Variants in PARM1 observed in about 807,000 individuals in gnomAD.
PARM1 encodes the protein prostate androgen-regulated mucin-like protein 1.
In PARM1, 14 loss-of-function variants were observed where a neutral mutation model predicts 24.6. That is an observed-to-expected ratio of 0.57 (90% CI 0.38 to 0.89). The LOEUF is 0.89. PARM1 is among the 40% of genes least tolerant of loss of function. The probability of loss-of-function intolerance (pLI) is 0.00; values close to 1 mark genes in which losing one functional copy is unlikely to be tolerated. For synonymous variants in PARM1, 179 were observed against 156.6 expected, an observed-to-expected ratio of 1.14 and a Z score of -1.07; for missense variants, 362 against 380.4, an observed-to-expected ratio of 0.95 and a Z score of 0.40.
intron 1 of PARM1, among the ~76,000 whole-genome samples, chr4:74,940,666 G>A (rs1170775309): frequency 6.6e-6 from 1 of 152,196 alleles, no homozygotes; most frequent in Non-Finnish European, 1.5e-5. Flanking sequence ...CCCACAGATA[G>A]ACAGGAGATA....
chr4:74,953,025 C>G (rs1721557937), intron 1 of PARM1, among the ~76,000 whole-genome samples: 1 of 152,126 alleles, frequency 6.6e-6, no homozygotes, highest in East Asian at 1.9e-4. Context: ...TTTCCCTCCC[C>G]ACAAAAGGTA....
In PARM1 at chr4:74,936,007, A is replaced by AT. The variant is rs892960711; in HGVS notation, c.43+2643dup. On this transcript the variant is annotated intron_variant, in intron 1 of 3. Coordinates refer to ENST00000307428, the MANE Select transcript of PARM1 (RefSeq NM_015393.4). Reference sequence around the variant, plus strand: ...CCACCATAGGCAGCTAAATTTTTTTATTTTTTGTAGATATGGGGGGTATTC... The same window carrying AT: ...CCACCATAGGCAGCTAAATTTTTTTATTTTTTTGTAGATATGGGGGGTATTC... Among the ~76,000 whole-genome samples the AT allele has an allele frequency of 8.5e-4, 129 of 151,938 alleles. 2 individuals are homozygous for AT. The highest frequency in any genetic ancestry group is 3.0e-3 in the African/African-American group (124 of 41,428).
intron 3 of PARM1, among the ~76,000 whole-genome samples, chr4:75,044,823 A>G (rs997709619): frequency 1.3e-5 from 2 of 152,210 alleles, no homozygotes; most frequent in African/African-American, 4.8e-5. Flanking sequence ...GCAAGGAGGC[A>G]CAAGTCACAT....
chr4:74,986,771 A>G (rs1411361207), intron 1 of PARM1, among the ~76,000 whole-genome samples: 2 of 152,206 alleles, frequency 1.3e-5, no homozygotes, highest in African/African-American at 2.4e-5. Flanking sequence ...CTTCCTCATA[A>G]TATCCATGGC....
chr4:74,996,823 T>C (rs1722583165), intron 1 of PARM1, among the ~76,000 whole-genome samples: 1 of 152,186 alleles, frequency 6.6e-6, no homozygotes, highest in Non-Finnish European at 1.5e-5. Flanking sequence ...TTTCTCTACA[T>C]TTTTCAGAAA....
intron 2 of PARM1, among the ~76,000 whole-genome samples, chr4:75,029,389 C>T (rs1015683950): frequency 6.6e-6 from 1 of 152,060 alleles, no homozygotes; most frequent in Non-Finnish European, 1.5e-5. Context: ...TAATAATCCC[C>T]ATGTGTCATG....
chr4:74,970,336 T>G (rs1057264441), intron 1 of PARM1: 1 of 152,206 alleles, frequency 6.6e-6, no homozygotes, highest in African/African-American at 2.4e-5. Flanking sequence ...CTTGTGTGGC[T>G]CTGTCCTTCT....
chr4:74,982,609 A>G (rs952038831), intron 1 of PARM1, among the ~76,000 whole-genome samples: 2 of 152,200 alleles, frequency 1.3e-5, no homozygotes, highest in African/African-American at 2.4e-5. Flanking sequence ...CTTTAAAATG[A>G]AGTCAGTGAA....
chr4:75,033,508 T>C (rs1445753095), intron 2 of PARM1, among the ~76,000 whole-genome samples: 2 of 151,826 alleles, frequency 1.3e-5, no homozygotes, highest in African/African-American at 2.4e-5. Flanking sequence ...AAGAAGAAAA[T>C]AGGACATCAA....
intron 2 of PARM1, among the ~76,000 whole-genome samples, chr4:75,024,205 G>C (rs1276850110): frequency 6.6e-6 from 1 of 151,496 alleles, no homozygotes; most frequent in African/African-American, 2.4e-5. Flanking sequence ...CCGGGAGGCG[G>C]AGCTTGCGCC....
At chr4:75,038,696 C>CAA (rs1415649974) in intron 3 of PARM1, among the ~76,000 whole-genome samples, 2 of 152,218 alleles carry the variant, frequency 1.3e-5, no homozygotes, top group East Asian at 3.8e-4. Context: ...TATGCCAGGG[C>CAA]TTGTTTGCAA....
intron 2 of PARM1, among the ~76,000 whole-genome samples, chr4:75,019,605 C>T (rs1723050220): frequency 6.6e-6 from 1 of 152,194 alleles, no homozygotes; most frequent in South Asian, 2.1e-4. Flanking sequence ...ATCTCTATGT[C>T]CATACCTGCA....
At chr4:74,981,989 G>A (rs557939382) in intron 1 of PARM1, among the ~76,000 whole-genome samples, 14 of 151,018 alleles carry the variant, frequency 9.3e-5, no homozygotes, top group South Asian at 2.1e-4. Flanking sequence ...TAAGATACCC[G>A]CACTCATATG....
intron 1 of PARM1, among the ~76,000 whole-genome samples, chr4:74,968,564 T>C (rs1721957083): frequency 6.6e-6 from 1 of 152,216 alleles, no homozygotes; most frequent in Non-Finnish European, 1.5e-5. Flanking sequence ...AAAATAATTC[T>C]GGAACTTAAT....
intron 1 of PARM1, among the ~76,000 whole-genome samples, chr4:75,011,487 G>T (rs1391977265): frequency 6.6e-6 from 1 of 151,964 alleles, no homozygotes; most frequent in African/African-American, 2.4e-5. Flanking sequence ...TGACAAGGGG[G>T]TATGGGGAGG....
chr4:74,953,997 G>A lies in PARM1; in HGVS notation c.43+20627G>A, dbSNP rs185740809. Among the ~76,000 whole-genome samples the A allele has an allele frequency of 2.6e-5, 4 of 152,258 alleles. 1 individual carries two copies. The South Asian group carries it at 6.2e-4, about 24-fold the overall frequency. On this transcript the variant is annotated intron_variant, in intron 1 of 3. Transcript: ENST00000307428. ...CCACCTCACAACCTCCTCTCCAAAG[G>A]TGACATGTACTACAGCTTAAGACAT...
At chr4:75,032,377 G>A (rs1026646990) in intron 2 of PARM1, among the ~76,000 whole-genome samples, 3 of 152,306 alleles carry the variant, frequency 2.0e-5, no homozygotes, top group Admixed American at 2.0e-4. Flanking sequence ...CAAGTGGACT[G>A]ATTTGCTTCT....
chr4:75,012,540 T>G lies in PARM1; in HGVS notation c.159T>G (p.Thr53=), dbSNP rs1338467004. The change falls in exon 2 of 4, where the codon ACT becomes ACG. Residue 53 remains threonine (T), a synonymous_variant. Transcript: ENST00000307428. The part of the protein sequence containing the change: ...TSSPQNTDAD[T]ASPSNGTHNN... The stretch of plus-strand genomic sequence containing the variant: ...CTCCACAAAACACTGATGCAGACAC[T>G]GCCTCCCCATCCAACGGCACTCACA... The G allele has an allele frequency of 6.2e-7, 1 of 1,613,926 alleles. No individual in the cohort carries two copies. The highest frequency in any genetic ancestry group is 1.7e-5 in the Admixed American group (1 of 60,018).
intron 1 of PARM1, among the ~76,000 whole-genome samples, chr4:74,977,170 C>T (rs577397019): frequency 4.6e-5 from 7 of 152,196 alleles, no homozygotes; most frequent in Admixed American, 2.0e-4. Flanking sequence ...ACTGAGCTAC[C>T]AGAGCATGTT....
Sources: gnomAD v4.1 joint callset for allele counts (sites outside exome capture counted in the v4.1 genomes callset) on GRCh38, gnomAD v4.1.1 for gene constraint, MANE v1.5 for transcripts, NCBI Gene and HGNC (gene_info 2026-07-23, HGNC 2026-07-21) for gene names.